CASR: variants seen among roughly 807,000 people sequenced by gnomAD.
CASR encodes extracellular calcium-sensing receptor.
In CASR, 23 loss-of-function variants were observed where a neutral mutation model predicts 69.1. That is an observed-to-expected ratio of 0.33 (90% CI 0.24 to 0.47). CASR has a LOEUF of 0.47. CASR is among the 20% of genes least tolerant of loss of function. The pLI, the probability that CASR is intolerant of heterozygous loss-of-function variation, is 1.00. For synonymous variants in CASR, 541 were observed against 544.7 expected (o/e 0.99, Z 0.10); for missense variants, 924 against 1,356.1 (o/e 0.68, Z 5.00).
intron 3 of CASR, among the ~76,000 whole-genome samples, chr3:122,259,302 A>T (rs4678071): frequency 0.92 from 140,074 of 152,192 alleles, 64,764 homozygotes; most frequent in East Asian, 0.98. Context: ...TGGATTTTTT[A>T]AAATGGTAGG....
At chr3:122,253,236 C>G (rs1392544055) in intron 1 of CASR, among the ~76,000 whole-genome samples, 1 of 152,116 alleles carries the variant, frequency 6.6e-6, no homozygotes, top group Non-Finnish European at 1.5e-5. Context: ...ATGACTCATT[C>G]TCTATTTTCT....
chr3:122,228,183 G>A (rs899060385), intron 1 of CASR, among the ~76,000 whole-genome samples: 1 of 152,096 alleles, frequency 6.6e-6, no homozygotes, highest in African/African-American at 2.4e-5. Context: ...TTGCTGTTGT[G>A]GTTTAAGTAT....
chr3:122,276,112 G>A, intron 5 of CASR, 70 bp downstream of exon 5: 1 of 1,034,566 alleles, frequency 9.7e-7, no homozygotes, highest in Non-Finnish European at 1.5e-6. Flanking sequence ...CTTTGGGAGG[G>A]CCTTTGGTTT....
intron 1 of CASR, among the ~76,000 whole-genome samples, chr3:122,191,345 T>G (rs2073837784): frequency 6.6e-6 from 1 of 152,260 alleles, no homozygotes; most frequent in Admixed American, 6.5e-5. Context: ...GGAGCCTCAC[T>G]CTGCCACCCA....
In CASR at chr3:122,286,017, A is replaced by G. The variant is rs1042801701; in HGVS notation, c.*826A>G. ...TCCCCACCCCACTATCCTCACTCCC[A>G]TAAGCTAAGCCTTATGTGAGCCCCT... On this transcript the variant is annotated 3_prime_UTR_variant, in exon 7 of 7. Transcript: ENST00000639785. The G allele has an allele frequency of 1.3e-5, 2 of 152,738 alleles. No homozygotes were observed. The highest frequency in any genetic ancestry group is 4.1e-4 in the South Asian group (2 of 4,824). 9.5% of individuals were successfully genotyped at this position (152,738 alleles called of 1,614,324 possible). A position where few individuals can be genotyped will look rare whatever the true frequency, so the allele number is the denominator to read the frequency against.
intron 1 of CASR, among the ~76,000 whole-genome samples, chr3:122,234,363 G>T (rs1192163864): frequency 6.6e-6 from 1 of 152,192 alleles, no homozygotes; most frequent in Non-Finnish European, 1.5e-5. Context: ...TTGGCCCATG[G>T]AATGTAGTTG....
chr3:122,258,764 T>C (rs1261734524), intron 3 of CASR, among the ~76,000 whole-genome samples: 3 of 152,206 alleles, frequency 2.0e-5, no homozygotes, highest in Non-Finnish European at 4.4e-5. Flanking sequence ...CTCTGCCATG[T>C]CTGCCATGGC....
chr3:122,232,960 A>G (rs1329248561), intron 1 of CASR, among the ~76,000 whole-genome samples: 1 of 152,180 alleles, frequency 6.6e-6, no homozygotes, highest in East Asian at 1.9e-4. Flanking sequence ...AGACCACTCC[A>G]CAATCATGTC....
intron 6 of CASR, among the ~76,000 whole-genome samples, chr3:122,283,194 A>G (rs1188689106): frequency 6.6e-6 from 1 of 152,224 alleles, no homozygotes. Flanking sequence ...GAGATGTCAG[A>G]TATGTTCATT....
intron 4 of CASR, among the ~76,000 whole-genome samples, chr3:122,269,069 G>A (rs1215989660): frequency 1.3e-5 from 2 of 152,006 alleles, no homozygotes; most frequent in East Asian, 3.9e-4. Context: ...TCTTTATCAG[G>A]AACAATTTAT....
intron 1 of CASR, among the ~76,000 whole-genome samples, chr3:122,249,051 C>CA (rs1263224002): frequency 6.6e-6 from 1 of 152,228 alleles, no homozygotes. Context: ...GGGGTGACCC[C>CA]TTCCTTGTCC....
At chr3:122,278,434 C>G (rs1219472319) in intron 5 of CASR, among the ~76,000 whole-genome samples, 2 of 152,218 alleles carry the variant, frequency 1.3e-5, no homozygotes, top group Non-Finnish European at 2.9e-5. Context: ...ATTCCCTACA[C>G]TGTGCTGCCA....
chr3:122,196,980 A>G (rs2073897831), intron 1 of CASR, among the ~76,000 whole-genome samples: 1 of 152,100 alleles, frequency 6.6e-6, no homozygotes, highest in Non-Finnish European at 1.5e-5. Flanking sequence ...AACATTAAAG[A>G]TCTATTATCT....
intron 4 of CASR, 53 bp downstream of exon 4, chr3:122,262,465 T>G: frequency 6.6e-7 from 1 of 1,525,976 alleles, no homozygotes; most frequent in Non-Finnish European, 9.0e-7. Flanking sequence ...AGAGTTGGGC[T>G]GCAACTCCAG....
intron 2 of CASR, 50 bp from the exon 3 acceptor site, chr3:122,257,031 G>T: frequency 6.5e-7 from 1 of 1,530,296 alleles, no homozygotes; most frequent in Non-Finnish European, 9.1e-7. Context: ...TTACTCTAAA[G>T]TCGTTGACTA....
At chr3:122,248,351 G>T (rs377356929) in intron 1 of CASR, among the ~76,000 whole-genome samples, 9 of 152,078 alleles carry the variant, frequency 5.9e-5, no homozygotes, top group African/African-American at 2.2e-4. Context: ...AGCCAGGCAC[G>T]TGAGTTTGGT....
At chr3:122,218,252 C>T (rs750955014) in intron 1 of CASR, among the ~76,000 whole-genome samples, 11 of 151,898 alleles carry the variant, frequency 7.2e-5, no homozygotes, top group Non-Finnish European at 1.2e-4. Flanking sequence ...AAATTATTTA[C>T]GGGCCAAGCA....
rs530628869 is a variant in CASR at position 122,239,615 on chromosome 3, C to T, written c.-242-14333C>T. Among the ~76,000 whole-genome samples the T allele has an allele frequency of 1.1e-3, 172 of 152,318 alleles. 1 individual carries two copies. Among genetic ancestry groups the T allele is most frequent in the African/African-American group, 4.1e-3 (170 of 41,570 alleles). On this transcript the variant is annotated intron_variant, in intron 1 of 6. Coordinates refer to ENST00000639785, the MANE Select transcript of CASR (RefSeq NM_000388.4). ...GGTTACAGCAGGCCTGGGGCAAGAC[C>T]CAGTGCTGTGACGGCTTCAGGCCTA...
chr3:122,234,741 A>G (rs2107610665), intron 1 of CASR, among the ~76,000 whole-genome samples: 1 of 152,334 alleles, frequency 6.6e-6, no homozygotes, highest in Admixed American at 6.5e-5. Context: ...GGACTAATCC[A>G]ACTTCAAAGT....
Sources: allele counts gnomAD v4.1 joint callset (sites outside exome capture counted in the v4.1 genomes callset), GRCh38; gene constraint gnomAD v4.1.1; transcripts MANE v1.5; gene names NCBI Gene and HGNC (gene_info 2026-07-23, HGNC 2026-07-21).